Variants in MYOM1 observed in about 807,000 individuals in gnomAD.
MYOM1 encodes the protein myomesin-1.
In MYOM1, 164 loss-of-function variants were observed where a neutral mutation model predicts 205.3. The observed-to-expected ratio is 0.80, with a 90% CI of 0.70 to 0.91. The LOEUF (loss-of-function observed/expected upper bound fraction) is 0.91, where lower values mean the gene tolerates loss of function less well. MYOM1 is among the 40% of genes least tolerant of loss of function. MYOM1 has a pLI of 0.00. For synonymous variants in MYOM1, 772 were observed against 789.4 expected (o/e 0.98, Z 0.37); for missense variants, 2,011 against 2,127.3 (o/e 0.95, Z 1.08).
rs747906321 is a variant in MYOM1 at position 3,119,918 on chromosome 18, G to A, written c.3069C>T (p.Ser1023=). Residue 1023 remains serine (S), a synonymous_variant, in exon 20 of 38, where the codon TCC becomes TCT. Transcript: ENST00000356443. ...AMNMAGLGAP[S]AVSECFKCEE... ...CACATTTGAAGCATTCGCTTACTGC[G>A]GAGGGCGCGCCCAGCCCAGCCATGT... 14 of 1,612,548 alleles carry A rather than the reference G, an allele frequency of 8.7e-6. No individual in the cohort carries two copies. In the African/African-American group the frequency reaches 1.2e-4, roughly 14 times the overall value.
chr18:3,192,943 T>C (rs1183992480), intron 3 of MYOM1, among the ~76,000 whole-genome samples: 1 of 152,086 alleles, frequency 6.6e-6, no homozygotes, highest in Non-Finnish European at 1.5e-5. Context: ...ATTTTTCAGC[T>C]ACCTAAATGT....
intron 3 of MYOM1, among the ~76,000 whole-genome samples, chr18:3,191,991 T>C (rs552630501): frequency 8.7e-4 from 132 of 152,296 alleles, no homozygotes; most frequent in African/African-American, 2.2e-3. Context: ...CCACCGTGCC[T>C]GGCCTCACGT....
At chr18:3,079,110 A>T in intron 34 of MYOM1, 69 bp downstream of exon 34, 1 of 1,533,548 alleles carries the variant, frequency 6.5e-7, no homozygotes, top group Non-Finnish European at 8.9e-7. Context: ...ACCATGCCCA[A>T]CTCCCTTCAT....
upstream of MYOM1, among the ~76,000 whole-genome samples, chr18:3,223,439 T>C (rs1156513938): frequency 6.6e-6 from 1 of 152,242 alleles, no homozygotes; most frequent in Non-Finnish European, 1.5e-5. Flanking sequence ...TCCTTCCTAC[T>C]TCAGTGTTGA....
At chr18:3,092,858 G>A (rs1380424531) in intron 26 of MYOM1, among the ~76,000 whole-genome samples, 1 of 152,192 alleles carries the variant, frequency 6.6e-6, no homozygotes, top group East Asian at 1.9e-4. Flanking sequence ...ACTTAAGAGA[G>A]CAGCTGCATA....
chr18:3,142,536 G>T (rs1428900292), intron 13 of MYOM1, among the ~76,000 whole-genome samples: 2 of 152,044 alleles, frequency 1.3e-5, no homozygotes, highest in African/African-American at 4.8e-5. Context: ...CTCCCAAATT[G>T]CTGGGATTAC....
intron 22 of MYOM1, among the ~76,000 whole-genome samples, chr18:3,108,910 T>C (rs2079487422): frequency 6.6e-6 from 1 of 152,002 alleles, no homozygotes; most frequent in African/African-American, 2.4e-5. Context: ...GAGATTAACT[T>C]GGTACAATAT....
the MYOM1 span, among the ~76,000 whole-genome samples, chr18:3,245,800 C>T: frequency 6.6e-6 from 1 of 152,196 alleles, no homozygotes; most frequent in Non-Finnish European, 1.5e-5. Flanking sequence ...CCCTGGGGGA[C>T]ACCTTCCACT....
chr18:3,134,869 A>T, intron 15 of MYOM1, 45 bp from the exon 16 acceptor site: 1 of 1,591,040 alleles, frequency 6.3e-7, no homozygotes, highest in Non-Finnish European at 8.6e-7. Flanking sequence ...GGTTTTAAAA[A>T]TTCATCCTTA....
the MYOM1 span, among the ~76,000 whole-genome samples, chr18:3,228,946 C>A: frequency 6.6e-6 from 1 of 152,238 alleles, no homozygotes; most frequent in East Asian, 1.9e-4. This position sits in a 1 kb window ranked among gnomAD's most constrained non-coding sequence, Gnocchi z 4.5. Flanking sequence ...TTGGTTCTCA[C>A]CAATGTCCTA....
chr18:3,121,639 TAA>T (rs79610664), intron 19 of MYOM1, among the ~76,000 whole-genome samples: 21,705 of 152,138 alleles, frequency 0.14, 1,749 homozygotes, highest in East Asian at 0.32. Flanking sequence ...GGTAAAGGGG[TAA>T]AGTTTTTAAG....
chr18:3,166,263 C>CTTTTTTTTTTTTTTTT, intron 9 of MYOM1, among the ~76,000 whole-genome samples: 1 of 111,668 alleles, frequency 9.0e-6, no homozygotes, highest in Non-Finnish European at 1.8e-5. Context: ...TATCTCAAGT[C>CTTTTTTTTTTTTTTTT]TTTTTTTTTT....
chr18:3,148,171 C>T (rs2080157370), intron 13 of MYOM1, among the ~76,000 whole-genome samples: 1 of 152,196 alleles, frequency 6.6e-6, no homozygotes, highest in African/African-American at 2.4e-5. Flanking sequence ...CAGAAAACAG[C>T]TGGCAGTTCC....
chr18:3,196,038 A>T (rs1221883633), intron 2 of MYOM1, among the ~76,000 whole-genome samples: 1 of 152,198 alleles, frequency 6.6e-6, no homozygotes, highest in African/African-American at 2.4e-5. Context: ...CACTTTTATT[A>T]TGCTAATATT....
intron 1 of MYOM1, among the ~76,000 whole-genome samples, chr18:3,216,089 G>A (rs555117225): frequency 3.0e-4 from 45 of 152,066 alleles, no homozygotes; most frequent in Admixed American, 4.6e-4. Flanking sequence ...CCAACATGGC[G>A]AAACCCCATC....
chr18:3,189,059 T>C lies in MYOM1; in HGVS notation c.460A>G (p.Thr154Ala), dbSNP rs767402391. 1.1e-5 allele frequency: 17 copies of C among 1,612,992 alleles called. No homozygotes were observed. In the South Asian group the frequency reaches 1.9e-4, roughly 18 times the overall value. The stretch of plus-strand genomic sequence containing the variant: ...GCTTCTTTAATTCTTTCTTCTTCCG[T>C]ATCAGTAATTCCACTGACATGCTTT... The part of the protein sequence containing the change: ...RQKHVSGITD[T>A]EEERIKEAAA... The change falls in exon 4 of 38, where the codon ACG (threonine) becomes GCG (alanine). Residue 154 changes from threonine to alanine, a missense_variant. By Grantham distance (58) the Thr-to-Ala change is moderately conservative. Transcript: ENST00000356443. This position sits in a 1 kb window ranked among gnomAD's most constrained non-coding sequence, Gnocchi z 4.8.
intron 26 of MYOM1, 99 bp from the exon 27 acceptor site, chr18:3,090,901 A>C: frequency 2.8e-6 from 4 of 1,438,210 alleles, no homozygotes; most frequent in Non-Finnish European, 3.8e-6. Context: ...CCCAAAGGCT[A>C]GATGCAGTGC....
At chr18:3,222,311 A>C (rs73377291), upstream of MYOM1, among the ~76,000 whole-genome samples, 2,136 of 152,310 alleles carry the variant, frequency 0.014, 45 homozygotes, top group African/African-American at 0.049. Flanking sequence ...AATTCAGATA[A>C]ATTTGCTGTT....
chr18:3,086,548 A>T (rs1280261341), intron 29 of MYOM1, among the ~76,000 whole-genome samples: 1 of 152,248 alleles, frequency 6.6e-6, no homozygotes, highest in African/African-American at 2.4e-5. Context: ...TATTAAAGGA[A>T]CAGAATGAGT....
Sources: gnomAD v4.1 joint callset for allele counts (sites outside exome capture counted in the v4.1 genomes callset) on GRCh38, gnomAD v4.1.1 for gene constraint, Gnocchi (gnomAD v3.1) non-coding constraint, MANE v1.5 for transcripts, NCBI Gene and HGNC (gene_info 2026-07-23, HGNC 2026-07-21) for gene names.